PTPRG: variants seen among roughly 807,000 people sequenced by gnomAD.
PTPRG encodes the protein receptor-type tyrosine-protein phosphatase gamma.
In PTPRG, 102 loss-of-function variants were observed where a neutral mutation model predicts 165.3. The observed-to-expected ratio is 0.62, with a 90% confidence interval of 0.53 to 0.73. PTPRG has a LOEUF of 0.73. PTPRG is among the 30% of genes least tolerant of loss of function. The pLI, the probability that PTPRG is intolerant of heterozygous loss-of-function variation, is 0.00. For missense variants in PTPRG, 1,866 were observed against 1,861.4 expected (o/e 1.00, Z -0.05); for synonymous variants, 675 against 669.5 (o/e 1.01, Z -0.13).
intron 13 of PTPRG, among the ~76,000 whole-genome samples, chr3:62,220,383 G>A (rs939605179): frequency 3.2e-4 from 48 of 152,206 alleles, no homozygotes; most frequent in African/African-American, 1.1e-3. Context: ...GACCATCGGG[G>A]AGACTACTGG....
intron 5 of PTPRG, among the ~76,000 whole-genome samples, chr3:62,117,618 G>A (rs994110401): frequency 2.0e-5 from 3 of 152,144 alleles, no homozygotes; most frequent in Non-Finnish European, 4.4e-5. Flanking sequence ...AAGATATTTT[G>A]AAGGCTTACT....
chr3:61,795,614 T>TGGGTGAAA (rs2035018639), intron 2 of PTPRG, among the ~76,000 whole-genome samples: 1 of 125,524 alleles, frequency 8.0e-6, no homozygotes, highest in Non-Finnish European at 1.6e-5. Context: ...CACTCCAGCC[T>TGGGTGAAA]GGGTGACAGA....
chr3:61,959,777 C>T (rs1366464923), intron 2 of PTPRG, among the ~76,000 whole-genome samples: 3 of 152,204 alleles, frequency 2.0e-5, no homozygotes, highest in Non-Finnish European at 2.9e-5. Context: ...CCTCTACACC[C>T]TAATGCTTGA....
intron 5 of PTPRG, among the ~76,000 whole-genome samples, chr3:62,093,917 A>G (rs349157): frequency 0.2 from 29,964 of 152,100 alleles, 3,000 homozygotes; most frequent in South Asian, 0.28. Flanking sequence ...GCTACAAATT[A>G]CTACATCTGG....
intron 5 of PTPRG, chr3:62,124,287 T>A (rs1703200357): frequency 1.3e-6 from 2 of 1,565,102 alleles, no homozygotes; most frequent in South Asian, 1.1e-5. Flanking sequence ...CTGATGTCCG[T>A]GTTGAGGGTG....
chr3:62,207,101 T>C (rs1576134543), intron 12 of PTPRG, among the ~76,000 whole-genome samples: 1 of 152,120 alleles, frequency 6.6e-6, no homozygotes, highest in African/African-American at 2.4e-5. Flanking sequence ...AAGCCAGATA[T>C]AAGCAAACTT....
At chr3:61,988,076 C>T (rs2040804426) in intron 2 of PTPRG, among the ~76,000 whole-genome samples, 1 of 152,142 alleles carries the variant, frequency 6.6e-6, no homozygotes, top group South Asian at 2.1e-4. Context: ...TAGCGCGACA[C>T]TTATAAATGA....
chr3:61,930,986 G>A (rs1006206954), intron 2 of PTPRG, among the ~76,000 whole-genome samples: 1 of 152,190 alleles, frequency 6.6e-6, no homozygotes, highest in African/African-American at 2.4e-5. Flanking sequence ...ACTTGAACCT[G>A]GGAGGCAGAG....
At chr3:61,834,291 A>T (rs1032902712) in intron 2 of PTPRG, among the ~76,000 whole-genome samples, 1 of 152,218 alleles carries the variant, frequency 6.6e-6, no homozygotes, top group Non-Finnish European at 1.5e-5. Flanking sequence ...AAGTTTTTTC[A>T]TATAAATTAT....
chr3:62,020,306 A>ACTTTACT (rs2041660445), intron 4 of PTPRG, among the ~76,000 whole-genome samples: 1 of 152,142 alleles, frequency 6.6e-6, no homozygotes, highest in Non-Finnish European at 1.5e-5. Flanking sequence ...CAATTAACAC[A>ACTTTACT]CTTTACTTTA....
intron 16 of PTPRG, among the ~76,000 whole-genome samples, chr3:62,261,657 C>T (rs1362717153): frequency 6.7e-6 from 1 of 148,584 alleles, no homozygotes; most frequent in Non-Finnish European, 1.5e-5. Context: ...CTTCAATTTA[C>T]AGTGTCCAAC....
At chr3:62,216,732 TACTGCTC>T (rs1700519790) in intron 12 of PTPRG, among the ~76,000 whole-genome samples, 2 of 152,228 alleles carry the variant, frequency 1.3e-5, no homozygotes, top group African/African-American at 2.4e-5. Flanking sequence ...CAGTAGTTTC[TACTGCTC>T]TTACGACTAA....
chr3:61,999,613 T>A (rs553162794), intron 3 of PTPRG, among the ~76,000 whole-genome samples: 1 of 152,374 alleles, frequency 6.6e-6, no homozygotes, highest in Admixed American at 6.5e-5. Flanking sequence ...TAAATTTTAT[T>A]TGTATTTATT....
intron 1 of PTPRG, among the ~76,000 whole-genome samples, chr3:61,649,909 C>T (rs1192270150): frequency 6.6e-6 from 1 of 152,156 alleles, no homozygotes; most frequent in East Asian, 1.9e-4. Context: ...TTTCAACAGA[C>T]TTGCTATAAT....
chr3:62,262,743 A>G lies in PTPRG; in HGVS notation c.2560-55A>G, dbSNP rs930878963. ...AAATACTTTATGCCTTTAAATGTAT[A>G]TGGTGTTCCTTTGTTTCTAAACTGT... is the stretch of plus-strand genomic sequence containing the variant. On this transcript the variant is annotated intron_variant, in intron 16 of 29. Transcript: ENST00000474889. 16 of 1,360,860 alleles carry G rather than the reference A, an allele frequency of 1.2e-5. No homozygotes were observed. In the African/African-American group the frequency reaches 2.2e-4, roughly 19 times the overall value. The allele number at this position is 1,360,860 out of a possible 1,614,324, so 84.3% of individuals were successfully genotyped here. A position where few individuals can be genotyped will look rare whatever the true frequency, so the allele number is the denominator to read the frequency against.
intron 2 of PTPRG, among the ~76,000 whole-genome samples, chr3:61,810,194 T>G (rs1255911284): frequency 6.6e-6 from 1 of 152,126 alleles, no homozygotes; most frequent in Admixed American, 6.6e-5. Flanking sequence ...ACAATACGAC[T>G]GGTACAGAGA....
intron 6 of PTPRG, among the ~76,000 whole-genome samples, chr3:62,135,431 T>C: frequency 6.6e-6 from 1 of 152,164 alleles, no homozygotes; most frequent in East Asian, 1.9e-4. Flanking sequence ...GACAGAGATG[T>C]GTAAAGAGAA....
intron 1 of PTPRG, among the ~76,000 whole-genome samples, chr3:61,704,397 G>C (rs559258669): frequency 4.6e-5 from 7 of 152,138 alleles, no homozygotes; most frequent in African/African-American, 1.7e-4. Context: ...AAAATGGGGA[G>C]CATAGGATTA....
intron 2 of PTPRG, among the ~76,000 whole-genome samples, chr3:61,841,075 C>G (rs938598442): frequency 6.6e-6 from 1 of 152,138 alleles, no homozygotes; most frequent in Non-Finnish European, 1.5e-5. Context: ...AGCCACCACA[C>G]CCGGCCGATA....
Sources: allele counts gnomAD v4.1 joint callset (sites outside exome capture counted in the v4.1 genomes callset), GRCh38; gene constraint gnomAD v4.1.1; transcripts MANE v1.5; gene names NCBI Gene and HGNC (gene_info 2026-07-23, HGNC 2026-07-21).